The following CCSER1 variants were observed in gnomAD, a reference collection of about 807,000 sequenced individuals.
CCSER1 encodes serine-rich coiled-coil domain-containing protein 1.
In CCSER1, 41 loss-of-function variants were observed where a neutral mutation model predicts 82.0. The ratio of observed to expected loss-of-function variants is 0.50; its 90% CI spans 0.39 to 0.65. CCSER1 has a LOEUF of 0.65. CCSER1 is among the 30% of genes least tolerant of loss of function. The pLI, the probability that CCSER1 is intolerant of heterozygous loss-of-function variation, is 0.00. For missense variants in CCSER1, 1,119 were observed against 1,064.2 expected (o/e 1.05, Z -0.72); for synonymous variants, 414 against 383.9 (o/e 1.08, Z -0.92).
At chr4:90,289,883 A>G (rs1319433745) in intron 1 of CCSER1, among the ~76,000 whole-genome samples, 6 of 151,908 alleles carry the variant, frequency 3.9e-5, no homozygotes, top group African/African-American at 7.2e-5. Flanking sequence ...GTATGACTCA[A>G]TTTCACACAT....
chr4:91,077,269 T>C (rs1028282975), intron 9 of CCSER1, among the ~76,000 whole-genome samples: 2 of 152,122 alleles, frequency 1.3e-5, no homozygotes, highest in Non-Finnish European at 2.9e-5. Flanking sequence ...CCCTAAAAAA[T>C]GTTTAATGCA....
chr4:90,859,435 C>T (rs978513192), intron 8 of CCSER1, among the ~76,000 whole-genome samples: 8 of 151,832 alleles, frequency 5.3e-5, no homozygotes, highest in African/African-American at 1.2e-4. Flanking sequence ...CTTTCTCTAG[C>T]GAAGCTTTAT....
chr4:90,270,459 A>G (rs1254364149), intron 1 of CCSER1, among the ~76,000 whole-genome samples: 1 of 151,528 alleles, frequency 6.6e-6, no homozygotes, highest in African/African-American at 2.4e-5. Flanking sequence ...AAATAATAAA[A>G]CTGTAAAAAA....
intron 10 of CCSER1, among the ~76,000 whole-genome samples, chr4:91,162,174 A>T (rs537967089): frequency 1.3e-5 from 2 of 152,258 alleles, no homozygotes; most frequent in South Asian, 4.2e-4. Context: ...CCTTTTCTGC[A>T]TCTACTGAGA....
At chr4:90,373,056 T>A (rs7696173) in intron 3 of CCSER1, among the ~76,000 whole-genome samples, 55,384 of 151,608 alleles carry the variant, frequency 0.37, 10,634 homozygotes, top group African/African-American at 0.47. Flanking sequence ...CATTCAACAC[T>A]TATCTGTTGA....
intron 8 of CCSER1, among the ~76,000 whole-genome samples, chr4:90,922,294 G>A (rs1728499065): frequency 6.6e-6 from 1 of 151,896 alleles, no homozygotes; most frequent in South Asian, 2.1e-4. Context: ...AGGGAGGGAG[G>A]GGAAAAGGAG....
intron 4 of CCSER1, among the ~76,000 whole-genome samples, chr4:90,428,714 A>G (rs1026954412): frequency 7.9e-5 from 12 of 151,928 alleles, no homozygotes; most frequent in African/African-American, 2.2e-4. Flanking sequence ...AATTTCTCTT[A>G]TAAGTGAAAC....
chr4:91,382,592 A>G (rs971480151), intron 10 of CCSER1, among the ~76,000 whole-genome samples: 1 of 152,146 alleles, frequency 6.6e-6, no homozygotes, highest in African/African-American at 2.4e-5. Flanking sequence ...CTGATTTTCC[A>G]GGTGCCATCT....
At chr4:91,294,317 G>A (rs1481435780) in intron 10 of CCSER1, among the ~76,000 whole-genome samples, 1 of 151,888 alleles carries the variant, frequency 6.6e-6, no homozygotes, top group Non-Finnish European at 1.5e-5. Flanking sequence ...ACAGAAGCAT[G>A]TTTTGGACAA....
chr4:90,241,573 G>GA (rs1001021692), intron 1 of CCSER1, among the ~76,000 whole-genome samples: 1 of 151,496 alleles, frequency 6.6e-6, no homozygotes, highest in East Asian at 1.9e-4. Flanking sequence ...TTTCTTAAAA[G>GA]AAAAAAAATC....
intron 10 of CCSER1, among the ~76,000 whole-genome samples, chr4:91,404,188 G>A (rs926231259): frequency 4.6e-5 from 7 of 152,106 alleles, no homozygotes; most frequent in African/African-American, 1.4e-4. Context: ...TTGCATAGAG[G>A]TGTTTATAGT....
intron 10 of CCSER1, among the ~76,000 whole-genome samples, chr4:91,209,120 T>C (rs184894319): frequency 8.2e-4 from 124 of 152,034 alleles, no homozygotes; most frequent in African/African-American, 2.7e-3. Flanking sequence ...TGGCAGAGAC[T>C]ATGGGGTTTT....
At chr4:91,433,283 A>C (rs2149395761) in intron 10 of CCSER1, among the ~76,000 whole-genome samples, 1 of 152,282 alleles carries the variant, frequency 6.6e-6, no homozygotes, top group South Asian at 2.1e-4. Flanking sequence ...ATGGGGCTGA[A>C]AAATTCTTAT....
chr4:90,326,408 A>G lies in CCSER1; in HGVS notation c.1509+13361A>G, dbSNP rs540979712. ...CCGTTTCTAAATTAGAGTAGCTGCCATTTTTATCACTTTTATAATCTCATT... is the reference window on the plus strand; with the variant it reads ...CCGTTTCTAAATTAGAGTAGCTGCCGTTTTTATCACTTTTATAATCTCATT... On this transcript the variant is annotated intron_variant, in intron 3 of 10. Transcript: ENST00000509176. Among the ~76,000 whole-genome samples, 22 of 152,040 alleles carry G rather than the reference A, an allele frequency of 1.4e-4. No individual in the cohort carries two copies. In the South Asian group the frequency reaches 3.7e-3, roughly 26 times the overall value.
intron 5 of CCSER1, among the ~76,000 whole-genome samples, chr4:90,595,483 G>A (rs887186198): frequency 7.2e-6 from 1 of 139,316 alleles, no homozygotes; most frequent in African/African-American, 3.1e-5. Context: ...TTTGAAATAC[G>A]ATATGTTGGA....
chr4:91,135,802 G>A (rs960426711), intron 10 of CCSER1, among the ~76,000 whole-genome samples: 2 of 152,128 alleles, frequency 1.3e-5, no homozygotes, highest in Admixed American at 1.3e-4. Context: ...AGCATGAAGG[G>A]AGTTGGTTGT....
intron 7 of CCSER1, among the ~76,000 whole-genome samples, chr4:90,804,024 C>G (rs1216700316): frequency 1.3e-5 from 2 of 152,124 alleles, no homozygotes; most frequent in Admixed American, 6.5e-5. Flanking sequence ...TGAGAAATGT[C>G]TGTTCATATC....
chr4:90,849,046 C>G (rs1488948585), intron 8 of CCSER1, among the ~76,000 whole-genome samples: 3 of 152,102 alleles, frequency 2.0e-5, no homozygotes, highest in African/African-American at 7.2e-5. Context: ...AGCGTGAGAA[C>G]AGACTAATAC....
intron 10 of CCSER1, among the ~76,000 whole-genome samples, chr4:91,101,512 G>T (rs1202400450): frequency 6.6e-6 from 1 of 152,068 alleles, no homozygotes; most frequent in Non-Finnish European, 1.5e-5. Flanking sequence ...GCATGTGCCT[G>T]TAATCACAGC....
Sources: gnomAD v4.1 joint callset for allele counts (sites outside exome capture counted in the v4.1 genomes callset) on GRCh38, gnomAD v4.1.1 for gene constraint, MANE v1.5 for transcripts, NCBI Gene and HGNC (gene_info 2026-07-23, HGNC 2026-07-21) for gene names.